Variants in SGCD observed in about 807,000 individuals in gnomAD.
SGCD encodes delta-sarcoglycan.
SGCD carries 18 observed loss-of-function variants against 36.6 expected under a neutral mutation model. The observed-to-expected ratio is 0.49, with a 90% CI of 0.34 to 0.73. SGCD has a LOEUF of 0.73. SGCD is among the 30% of genes least tolerant of loss of function. The pLI, the probability that SGCD is intolerant of heterozygous loss-of-function variation, is 0.01. For synonymous variants in SGCD, 133 were observed against 130.6 expected, an observed-to-expected ratio of 1.02 and a Z score of -0.12; for missense variants, 387 against 346.7, an observed-to-expected ratio of 1.12 and a Z score of -0.92.
intron 3 of SGCD, among the ~76,000 whole-genome samples, chr5:156,144,442 A>G (rs999536928): frequency 1.3e-5 from 2 of 152,154 alleles, no homozygotes; most frequent in South Asian, 2.1e-4. Flanking sequence ...AACTGGTGTG[A>G]GATGGTATCT....
chr5:156,287,849 G>A (rs1766652059), intron 3 of SGCD, among the ~76,000 whole-genome samples: 1 of 151,974 alleles, frequency 6.6e-6, no homozygotes, highest in Non-Finnish European at 1.5e-5. Flanking sequence ...CAGTGAGCTA[G>A]GATCACATCA....
chr5:156,697,374 T>C (rs146702949), intron 7 of SGCD, among the ~76,000 whole-genome samples: 2 of 152,300 alleles, frequency 1.3e-5, no homozygotes, highest in African/African-American at 4.8e-5. Flanking sequence ...CTTAGAGACA[T>C]TCTGCTCCCC....
intron 3 of SGCD, among the ~76,000 whole-genome samples, chr5:156,237,293 T>C (rs911350556): frequency 1.3e-5 from 2 of 152,188 alleles, no homozygotes; most frequent in African/African-American, 4.8e-5. Flanking sequence ...CTTATTTATA[T>C]GTCCTGTAAA....
At position 156,010,976 on chromosome 5, in the gene SGCD, CA is replaced by C. The variant is rs145516389; in HGVS notation, c.-281-106899del. On this transcript the variant is annotated intron_variant, in intron 1 of 9. Transcript: ENST00000517913. ...ATTATGCTCTGTTTTGTTTCTTTGC[CA>C]AACTGAGTCATGATTACTTTGAATA... Among the ~76,000 whole-genome samples the C allele has an allele frequency of 5.2e-3, 786 of 152,146 alleles. 3 individuals carry two copies. The highest frequency in any genetic ancestry group is 0.014 in the East Asian group (70 of 5,172).
At chr5:156,398,860 T>C (rs1771998395) in intron 3 of SGCD, among the ~76,000 whole-genome samples, 1 of 152,186 alleles carries the variant, frequency 6.6e-6, no homozygotes, top group South Asian at 2.1e-4. Flanking sequence ...TATTGTCTAA[T>C]ATGGTAGGCA....
chr5:156,584,547 G>A (rs997009687), intron 4 of SGCD, among the ~76,000 whole-genome samples: 1 of 152,104 alleles, frequency 6.6e-6, no homozygotes, highest in African/African-American at 2.4e-5. Flanking sequence ...TGCCAGATGA[G>A]TGCTACATGC....
chr5:156,420,162 A>G (rs1218813710), intron 3 of SGCD, among the ~76,000 whole-genome samples: 1 of 152,104 alleles, frequency 6.6e-6, no homozygotes, highest in Non-Finnish European at 1.5e-5. Flanking sequence ...CCTCTTCATA[A>G]CACCTGAGTC....
At chr5:155,935,094 T>C (rs1757169755) in intron 1 of SGCD, among the ~76,000 whole-genome samples, 1 of 152,238 alleles carries the variant, frequency 6.6e-6, no homozygotes, top group Admixed American at 6.5e-5. Context: ...AAGTCCCTAG[T>C]GATTTTTGAA....
At chr5:156,463,322 A>T (rs7717944) in intron 3 of SGCD, among the ~76,000 whole-genome samples, 2 of 151,870 alleles carry the variant, frequency 1.3e-5, no homozygotes, top group African/African-American at 4.8e-5. Context: ...GATTACAGAC[A>T]TGAGCCACCG....
intron 4 of SGCD, among the ~76,000 whole-genome samples, chr5:156,526,124 C>T (rs534036487): frequency 9.2e-5 from 14 of 152,232 alleles, no homozygotes; most frequent in African/African-American, 2.9e-4. Flanking sequence ...TGGCCCTTTA[C>T]AGCCATTCTC....
At chr5:156,137,123 C>G (rs1392035658) in intron 3 of SGCD, among the ~76,000 whole-genome samples, 1 of 152,184 alleles carries the variant, frequency 6.6e-6, no homozygotes, top group African/African-American at 2.4e-5. Context: ...CGAGAGGGTT[C>G]TTTTCTGAAA....
At chr5:155,754,774 G>T in the SGCD span, among the ~76,000 whole-genome samples, 2 of 152,182 alleles carry the variant, frequency 1.3e-5, no homozygotes, top group African/African-American at 4.8e-5. Flanking sequence ...TTATTGATAA[G>T]GCATTTTATT....
chr5:156,602,576 G>A (rs565303685), intron 6 of SGCD, among the ~76,000 whole-genome samples: 79 of 152,082 alleles, frequency 5.2e-4, no homozygotes, highest in Admixed American at 4.6e-4. Flanking sequence ...ATGTTAACTG[G>A]TGATTTCTTG....
the SGCD span, among the ~76,000 whole-genome samples, chr5:155,784,370 C>A: frequency 1.3e-5 from 2 of 152,134 alleles, no homozygotes; most frequent in Non-Finnish European, 1.5e-5. Flanking sequence ...GATTTCAGGG[C>A]GAGCAGTAAG....
intron 3 of SGCD, among the ~76,000 whole-genome samples, chr5:156,250,928 A>C (rs1365184128): frequency 2.4e-4 from 37 of 152,218 alleles, no homozygotes; most frequent in Non-Finnish European, 1.2e-4. Context: ...ACGTAAAAGC[A>C]GGGGCTTGAA....
At chr5:156,332,620 G>T (rs1301743243) in intron 2 of SGCD, among the ~76,000 whole-genome samples, 1 of 152,196 alleles carries the variant, frequency 6.6e-6, no homozygotes, top group Non-Finnish European at 1.5e-5. Context: ...TTAAGTTGTG[G>T]CTTCATTCTC....
chr5:156,751,344 A>C (rs1197482236), intron 7 of SGCD, among the ~76,000 whole-genome samples: 1 of 152,240 alleles, frequency 6.6e-6, no homozygotes, highest in East Asian at 1.9e-4. Flanking sequence ...GACATAATGA[A>C]AAAAGAAAAC....
At chr5:156,651,578 T>G (rs773532148) in intron 7 of SGCD, among the ~76,000 whole-genome samples, 20 of 152,132 alleles carry the variant, frequency 1.3e-4, no homozygotes, top group Non-Finnish European at 2.4e-4. Context: ...ATGCTTATTT[T>G]TGTTGACTTT....
chr5:156,423,963 T>C (rs745338401), intron 3 of SGCD, among the ~76,000 whole-genome samples: 10 of 152,050 alleles, frequency 6.6e-5, no homozygotes, highest in Non-Finnish European at 1.0e-4. Flanking sequence ...TAGGGTGAAG[T>C]TGATTTTTTT....
Sources: gnomAD v4.1 joint callset for allele counts (sites outside exome capture counted in the v4.1 genomes callset) on GRCh38, gnomAD v4.1.1 for gene constraint, MANE v1.5 for transcripts, NCBI Gene and HGNC (gene_info 2026-07-23, HGNC 2026-07-21) for gene names.